Variants in KLHL25 observed in about 807,000 individuals in gnomAD.
KLHL25 encodes kelch-like protein 25.
In KLHL25, 41 loss-of-function variants were observed where a neutral mutation model predicts 30.0. The ratio of observed to expected loss-of-function variants is 1.37; its 90% confidence interval spans 1.07 to 1.78. The LOEUF is 1.78. Ranked by LOEUF, KLHL25 falls within the 40% of genes most tolerant of loss-of-function variation. The probability of loss-of-function intolerance (pLI) is 0.00; values close to 1 mark genes in which losing one functional copy is unlikely to be tolerated. For synonymous variants in KLHL25, 399 were observed against 355.3 expected (o/e 1.12, Z -1.38); for missense variants, 971 against 824.5 (o/e 1.18, Z -2.18).
chr15:85,775,950 G>C (rs2089706229), intron 1 of KLHL25, among the ~76,000 whole-genome samples: 1 of 150,640 alleles, frequency 6.6e-6, no homozygotes, highest in Non-Finnish European at 1.5e-5. Flanking sequence ...GAGGTGGGCA[G>C]ATCACAAGGT....
chr15:85,783,787 G>A (rs936626374), intron 1 of KLHL25, among the ~76,000 whole-genome samples: 2 of 151,950 alleles, frequency 1.3e-5, no homozygotes, highest in Admixed American at 6.6e-5. Context: ...CATACAAAGC[G>A]AATTGCAGAT....
At position 85,768,210 on chromosome 15, in the gene KLHL25, A is replaced by C; in HGVS notation, c.1601T>G (p.Leu534Arg). The change falls in exon 2 of 3, where the codon CTG becomes CGG. Residue 534 changes from leucine to arginine, a missense_variant. By Grantham distance (102) the Leu-to-Arg change is moderately radical. Coordinates refer to ENST00000337975, the MANE Select transcript of KLHL25 (RefSeq NM_022480.4). ...CACATAGAGCTTGTTGCCGGAAGCCAGGGCATGGCAGGACATGCGCTTGGC... is the reference window on the plus strand; with the variant it reads ...CACATAGAGCTTGTTGCCGGAAGCCCGGGCATGGCAGGACATGCGCTTGGC... Reference protein sequence around the residue: ...MTAKRMSCHALASGNKLYVVG... With the variant: ...MTAKRMSCHARASGNKLYVVG... The C allele has an allele frequency of 6.2e-7, 1 of 1,614,214 alleles. No homozygotes were observed. The highest frequency in any genetic ancestry group is 2.2e-5 in the East Asian group (1 of 44,884).
At position 85,768,566 on chromosome 15, in the gene KLHL25, C is replaced by T; in HGVS notation, c.1245G>A (p.Glu415=). ...ACTTGTTGGCCCCAGGGTCGTATTT[C>T]TCCACTTGTTTCAGGGAGACAGAAG... ...ASPSVSLKQV[E]KYDPGANKWM... is the part of the protein sequence containing the mutation. The change falls in exon 2 of 3, where the codon GAG becomes GAA. Residue 415 remains glutamate (E), a synonymous_variant. Coordinates refer to ENST00000337975, the MANE Select transcript of KLHL25 (RefSeq NM_022480.4). 6.2e-7 allele frequency: 1 copy of T among 1,613,178 alleles called. No individual in the cohort carries two copies. Among genetic ancestry groups the T allele is most frequent in the Non-Finnish European group, 8.5e-7 (1 of 1,179,460 alleles).
intron 1 of KLHL25, among the ~76,000 whole-genome samples, chr15:85,787,795 G>A (rs1377594628): frequency 6.6e-6 from 1 of 152,170 alleles, no homozygotes; most frequent in Non-Finnish European, 1.5e-5. Flanking sequence ...CACAAAATCT[G>A]CACATACAAC....
Position 85,768,376 on chromosome 15 carries a change from G to T in KLHL25, c.1435C>A (p.Pro479Thr). The change falls in exon 2 of 3, where the codon CCC (proline) becomes ACC (threonine). Residue 479 changes from proline to threonine, a missense_variant. Coordinates refer to ENST00000337975, the MANE Select transcript of KLHL25 (RefSeq NM_022480.4). ...ENRWTIKAECPQPWRYTAAAV... is the reference protein window; with the variant it reads ...ENRWTIKAECTQPWRYTAAAV... Reference sequence around the variant, plus strand: ...GCGGCTGTGTACCGCCAAGGCTGGGGGCACTCGGCCTTGATCGTCCACCTG... The same window carrying T: ...GCGGCTGTGTACCGCCAAGGCTGGGTGCACTCGGCCTTGATCGTCCACCTG... 6.2e-7 allele frequency: 1 copy of T among 1,613,778 alleles called. No homozygotes were observed. Among genetic ancestry groups the T allele is most frequent in the East Asian group, 2.2e-5 (1 of 44,872 alleles).
Position 85,789,352 on chromosome 15 carries a change from G to A in KLHL25, c.-11+5414C>T, listed in dbSNP as rs1369115283. 6.6e-6 allele frequency among the ~76,000 whole-genome samples: 1 copy of A among 151,508 alleles called. No individual in the cohort carries two copies. The highest frequency in any genetic ancestry group is 1.5e-5 in the Non-Finnish European group (1 of 67,924). ...TGGTCTTGCAGGCTGGTGCTCAGTC[G>A]CCTCCTCCTGCCCTGCTGGGCTCCC... On this transcript the variant is annotated intron_variant, in intron 1 of 2. Transcript: ENST00000337975. The surrounding 1 kb of genome is among the most constrained non-coding windows in gnomAD (Gnocchi z 4.1).
In KLHL25 at chr15:85,768,842, C is replaced by T; in HGVS notation, c.969G>A (p.Lys323=). The T allele has an allele frequency of 6.2e-7, 1 of 1,613,394 alleles. No individual in the cohort carries two copies. ...VDHKAKEIIP[K]ADLPSPRKEF... ...CCTTCCGGGGGCTGGGCAGGTCGGC[C>T]TTGGGGATGATCTCCTTGGCCTTGT... Residue 323 remains lysine, a synonymous_variant, in exon 2 of 3, where the codon AAG becomes AAA. Transcript: ENST00000337975.
In KLHL25 at chr15:85,789,733, G is replaced by A. The variant is rs2946365; in HGVS notation, c.-11+5033C>T. Among the ~76,000 whole-genome samples, 46,687 of 151,840 alleles carry A rather than the reference G, an allele frequency of 0.31. 7,631 individuals carry two copies. Among genetic ancestry groups the A allele is most frequent in the South Asian group, 0.44 (2,106 of 4,808 alleles). On this transcript the variant is annotated intron_variant, in intron 1 of 2. Transcript: ENST00000337975. The surrounding 1 kb of genome is among the most constrained non-coding windows in gnomAD (Gnocchi z 4.1). ...CTGCCCACGACCAGTCAGAGCGATGGCCCTGAGAAATGAGTAACCCACACA... is the reference window on the plus strand; with the variant it reads ...CTGCCCACGACCAGTCAGAGCGATGACCCTGAGAAATGAGTAACCCACACA...
Position 85,768,352 on chromosome 15 carries a change from C to A in KLHL25, c.1459G>T (p.Ala487Ser). 1 of 1,613,738 alleles carries A rather than the reference C, an allele frequency of 6.2e-7. No homozygotes were observed. Among genetic ancestry groups the A allele is most frequent in the Non-Finnish European group, 8.5e-7 (1 of 1,180,026 alleles). Residue 487 changes from alanine to serine, a missense_variant, in exon 2 of 3, where the codon GCT becomes TCT. Coordinates refer to ENST00000337975, the MANE Select transcript of KLHL25 (RefSeq NM_022480.4). ...ECPQPWRYTAAAVLGSQIFIM... is the reference protein window; with the variant it reads ...ECPQPWRYTASAVLGSQIFIM... ...AAGATCTGGCTGCCCAGGACGGCAG[C>A]GGCTGTGTACCGCCAAGGCTGGGGG... is the stretch of plus-strand genomic sequence containing the variant.
intron 1 of KLHL25, among the ~76,000 whole-genome samples, chr15:85,773,418 G>A (rs8038356): frequency 0.041 from 6,227 of 152,278 alleles, 412 homozygotes; most frequent in African/African-American, 0.14. Context: ...TGTGGTAAAC[G>A]CGTGTCATTT....
chr15:85,787,922 C>T (rs190594087), intron 1 of KLHL25, among the ~76,000 whole-genome samples: 2 of 151,984 alleles, frequency 1.3e-5, no homozygotes, highest in Non-Finnish European at 2.9e-5. Context: ...CCTAGCTGGG[C>T]GTGGTGGCTT....
At chr15:85,785,966 C>A (rs886608519) in intron 1 of KLHL25, among the ~76,000 whole-genome samples, 1 of 135,148 alleles carries the variant, frequency 7.4e-6, no homozygotes, top group Non-Finnish European at 1.6e-5. Flanking sequence ...GCCGACCCAC[C>A]CCCCCGCCCC....
chr15:85,786,772 T>C (rs138796361), intron 1 of KLHL25, among the ~76,000 whole-genome samples: 51 of 152,380 alleles, frequency 3.3e-4, no homozygotes, highest in African/African-American at 1.2e-3. Flanking sequence ...GCTGGCTGTT[T>C]AGAAACACCT....
chr15:85,776,574 A>T (rs903617800), intron 1 of KLHL25, among the ~76,000 whole-genome samples: 2 of 152,184 alleles, frequency 1.3e-5, no homozygotes, highest in African/African-American at 4.8e-5. Context: ...ACTGATCTGA[A>T]TTATATTTTT....
At chr15:85,788,461 C>T (rs1194696185) in intron 1 of KLHL25, among the ~76,000 whole-genome samples, 1 of 152,114 alleles carries the variant, frequency 6.6e-6, no homozygotes, top group African/African-American at 2.4e-5. Flanking sequence ...AGGAGAGGGT[C>T]GGGGAGGACC....
At chr15:85,764,077 C>G (rs375300550) in intron 2 of KLHL25, 1 of 152,388 alleles carries the variant, frequency 6.6e-6, no homozygotes, top group South Asian at 2.1e-4. Flanking sequence ...GACAGCTCCG[C>G]AGTGGCCGCC....
intron 1 of KLHL25, among the ~76,000 whole-genome samples, chr15:85,771,343 T>C (rs946508860): frequency 2.0e-5 from 3 of 151,986 alleles, no homozygotes; most frequent in African/African-American, 7.3e-5. Context: ...AACAACAAAG[T>C]TTTTCATTTT....
chr15:85,768,378 C>T lies in KLHL25; in HGVS notation c.1433G>A (p.Cys478Tyr). ...GGCTGTGTACCGCCAAGGCTGGGGG[C>T]ACTCGGCCTTGATCGTCCACCTGTT... The part of the protein sequence containing the change: ...SENRWTIKAE[C>Y]PQPWRYTAAA... Residue 478 changes from cysteine to tyrosine, a missense_variant, in exon 2 of 3, where the codon TGC (cysteine) becomes TAC (tyrosine). Transcript: ENST00000337975. The T allele has an allele frequency of 1.2e-6, 2 of 1,613,726 alleles. No individual in the cohort carries two copies. The highest frequency in any genetic ancestry group is 2.2e-5 in the East Asian group (1 of 44,860).
chr15:85,765,692 T>C (rs1597271173), intron 2 of KLHL25, among the ~76,000 whole-genome samples: 2 of 147,048 alleles, frequency 1.4e-5, no homozygotes, highest in East Asian at 4.0e-4. Flanking sequence ...GCAAGCCAGA[T>C]GCGGTGGCAC....
Sources: allele counts gnomAD v4.1 joint callset (sites outside exome capture counted in the v4.1 genomes callset), GRCh38; gene constraint gnomAD v4.1.1; non-coding constraint Gnocchi (gnomAD v3.1); transcripts MANE v1.5; gene names NCBI Gene and HGNC (gene_info 2026-07-23, HGNC 2026-07-21).